The following LRPPRC variants were observed in gnomAD, a reference collection of about 807,000 sequenced individuals.
LRPPRC encodes leucine rich pentatricopeptide repeat containing, also known as leucine-rich PPR motif-containing protein, mitochondrial.
In LRPPRC, 120 loss-of-function variants were observed where a neutral mutation model predicts 180.3. The ratio of observed to expected loss-of-function variants is 0.67; its 90% confidence interval spans 0.57 to 0.77. LRPPRC has a LOEUF of 0.77. Ranked by LOEUF, LRPPRC falls within the 30% of genes least tolerant of loss-of-function variation. The pLI is 0.00. For synonymous variants in LRPPRC, 723 were observed against 600.0 expected (o/e 1.21, Z -3.00); for missense variants, 2,012 against 1,657.2 (o/e 1.21, Z -3.72).
intron 11 of LRPPRC, among the ~76,000 whole-genome samples, chr2:43,971,499 A>AAAAAAAAAAAAAAAAAAAG (rs1559036091): frequency 6.8e-6 from 1 of 147,706 alleles, no homozygotes; most frequent in African/African-American, 2.5e-5. Flanking sequence ...AAAAAAAAAA[A>AAAAAAAAAAAAAAAAAAAG]AAAAAGAAAA....
At chr2:43,953,467 G>C (rs2103634897) in intron 14 of LRPPRC, among the ~76,000 whole-genome samples, 1 of 152,290 alleles carries the variant, frequency 6.6e-6, no homozygotes, top group Non-Finnish European at 1.5e-5. Flanking sequence ...TTGCAACTGT[G>C]CAAACACTGG....
Position 43,925,876 on chromosome 2 carries a change from C to G in LRPPRC, c.2805+17G>C, listed in dbSNP as rs948779018. ...TCACACTTTTAGGTGATTGAGACAT[C>G]TGAATCAAATACAAACCTGATTATT... On this transcript the variant is annotated intron_variant, in intron 26 of 37. Transcript: ENST00000260665. 6.3e-7 allele frequency: 1 copy of G among 1,586,048 alleles called. No individual in the cohort carries two copies. The highest frequency in any genetic ancestry group is 8.7e-7 in the Non-Finnish European group (1 of 1,154,444).
In LRPPRC at chr2:43,973,630, C is replaced by T. The variant is rs753279995; in HGVS notation, c.1346G>A (p.Arg449His). 3.7e-6 allele frequency: 6 copies of T among 1,613,446 alleles called. No individual in the cohort carries two copies. Among genetic ancestry groups the T allele is most frequent in the South Asian group, 2.2e-5 (2 of 91,070 alleles). ...ACCTTGAACATTTTTTTCCTTCCGA[C>T]GTCCAACTAGCAATGGCCAGAAATA... ...PHYFWPLLVG[R>H]RKEKNVQGII... Residue 449 changes from arginine to histidine, a missense_variant, in exon 11 of 38, where the codon CGT becomes CAT. Arg to His is a conservative substitution (Grantham distance 29). Transcript: ENST00000260665.
chr2:43,893,309 T>G (rs530987602), intron 36 of LRPPRC, among the ~76,000 whole-genome samples: 2 of 152,216 alleles, frequency 1.3e-5, no homozygotes, highest in South Asian at 4.1e-4. Flanking sequence ...GATTCCAATT[T>G]TGAAAAGACA....
rs377401549 is a variant in LRPPRC, at chr2:43,918,345, C to G, written c.2950G>C (p.Glu984Gln). 5.6e-6 allele frequency: 9 copies of G among 1,610,454 alleles called. No homozygotes were observed. Among genetic ancestry groups the G allele is most frequent in the Admixed American group, 1.7e-5 (1 of 60,014 alleles). Residue 984 changes from glutamate (E) to glutamine (Q), a missense_variant, in exon 28 of 38, where the codon GAA (glutamate) becomes CAA (glutamine). Physicochemically the swap from Glu to Gln is conservative, Grantham distance 29 (BLOSUM62 2). Transcript: ENST00000260665. ...ADAVWNKIQE[E>Q]NVIPREKTLR... The stretch of plus-strand genomic sequence containing the variant: ...GTCTTTTCACGAGGAATAACATTTT[C>G]TTCTTGGATTTTATTCCAGACTGCA...
chr2:43,988,676 C>T (rs999037477), intron 1 of LRPPRC, among the ~76,000 whole-genome samples: 5 of 152,066 alleles, frequency 3.3e-5, no homozygotes, highest in Non-Finnish European at 7.4e-5. Flanking sequence ...GTAGCTGGGA[C>T]TACAGGCACC....
At chr2:43,977,894 G>T (rs915685566) in intron 3 of LRPPRC, among the ~76,000 whole-genome samples, 2 of 152,048 alleles carry the variant, frequency 1.3e-5, no homozygotes, top group African/African-American at 4.8e-5. Context: ...TCAATTTTGT[G>T]GTAACATGTC....
chr2:43,946,066 A>G, intron 21 of LRPPRC, 47 bp downstream of exon 21: 1 of 1,586,110 alleles, frequency 6.3e-7, no homozygotes, highest in Non-Finnish European at 8.7e-7. Context: ...CAAGGTCTGT[A>G]GAGCAGAATA....
chr2:43,960,881 T>C (rs1673320495), intron 12 of LRPPRC, among the ~76,000 whole-genome samples: 1 of 152,238 alleles, frequency 6.6e-6, no homozygotes, highest in African/African-American at 2.4e-5. Context: ...ATGAGTTTAC[T>C]ACTGAGGACA....
chr2:43,974,061 T>C (rs1461562396), intron 9 of LRPPRC, 89 bp downstream of exon 9: 30 of 1,345,210 alleles, frequency 2.2e-5, no homozygotes, highest in Non-Finnish European at 3.0e-5. Flanking sequence ...TGTTTACAAC[T>C]GGTCTAATCT....
chr2:43,974,952 T>C, intron 7 of LRPPRC, 139 bp downstream of exon 7: 1 of 975,422 alleles, frequency 1.0e-6, no homozygotes, highest in Admixed American at 2.0e-5. Context: ...TAAACTATAA[T>C]AATTCTCCAT....
At chr2:43,954,918 A>G (rs1209266176) in intron 14 of LRPPRC, among the ~76,000 whole-genome samples, 1 of 152,210 alleles carries the variant, frequency 6.6e-6, no homozygotes, top group African/African-American at 2.4e-5. Context: ...AAAGTATGAT[A>G]TATTACTTTT....
At chr2:43,894,250 C>T (rs1670600977) in intron 36 of LRPPRC, among the ~76,000 whole-genome samples, 1 of 152,110 alleles carries the variant, frequency 6.6e-6, no homozygotes, top group Non-Finnish European at 1.5e-5. Context: ...AGAGGATTTC[C>T]AGGTCTTCCC....
At chr2:43,974,453 A>C (rs572638052) in intron 8 of LRPPRC, among the ~76,000 whole-genome samples, 158 bp from the exon 9 acceptor site, 1 of 152,190 alleles carries the variant, frequency 6.6e-6, no homozygotes, top group Admixed American at 6.5e-5. Flanking sequence ...AATCATCCCC[A>C]TGTGTTCATT....
intron 23 of LRPPRC, among the ~76,000 whole-genome samples, chr2:43,942,698 G>C (rs1282388814): frequency 6.6e-6 from 1 of 151,932 alleles, no homozygotes; most frequent in African/African-American, 2.4e-5. Flanking sequence ...GAAAACATGA[G>C]AACCGTTAAA....
chr2:43,995,050 G>A (rs543248099), intron 1 of LRPPRC, among the ~76,000 whole-genome samples: 1 of 152,210 alleles, frequency 6.6e-6, no homozygotes, highest in South Asian at 2.1e-4. Context: ...AGACTAGCGT[G>A]GCCAACATGG....
Position 43,995,503 on chromosome 2 carries a change from C to G in LRPPRC, c.149+296G>C, listed in dbSNP as rs1400782237. Among the ~76,000 whole-genome samples, 3 of 152,352 alleles carry G rather than the reference C, an allele frequency of 2.0e-5. No homozygotes were observed. The East Asian group carries it at 5.8e-4, about 29-fold the overall frequency. On this transcript the variant is annotated intron_variant, in intron 1 of 37. Coordinates refer to ENST00000260665, the MANE Select transcript of LRPPRC (RefSeq NM_133259.4). ...GACTTCCCAAAGCAGTCTTCAAAGCCCCCCTCATCTTCGTTGACCATGGGT... is the reference window on the plus strand; with the variant it reads ...GACTTCCCAAAGCAGTCTTCAAAGCGCCCCTCATCTTCGTTGACCATGGGT...
chr2:43,966,581 T>C (rs1336241823), intron 11 of LRPPRC, among the ~76,000 whole-genome samples: 1 of 151,694 alleles, frequency 6.6e-6, no homozygotes, highest in Non-Finnish European at 1.5e-5. Flanking sequence ...GAGTAATTTT[T>C]GTATTTTTAC....
At chr2:43,918,461 T>C in intron 27 of LRPPRC, 63 bp from the exon 28 acceptor site, 2 of 1,186,516 alleles carry the variant, frequency 1.7e-6, no homozygotes, top group South Asian at 2.5e-5. Context: ...CACAAAAATA[T>C]TTAGAACTTT....
Sources: gnomAD v4.1 joint callset for allele counts (sites outside exome capture counted in the v4.1 genomes callset) on GRCh38, gnomAD v4.1.1 for gene constraint, MANE v1.5 for transcripts, NCBI Gene and HGNC (gene_info 2026-07-23, HGNC 2026-07-21) for gene names.